TCEA3: variants seen among roughly 807,000 people sequenced by gnomAD.
TCEA3 encodes the protein transcription elongation factor A protein 3.
In TCEA3, 36 loss-of-function variants were observed where a neutral mutation model predicts 44.0. The observed-to-expected ratio is 0.82, with a 90% CI of 0.63 to 1.08. The LOEUF is 1.08. TCEA3 is among the 50% of genes least tolerant of loss of function. TCEA3 has a pLI of 0.00. For synonymous variants in TCEA3, 162 were observed against 159.7 expected (o/e 1.01, Z -0.11); for missense variants, 392 against 441.2 (o/e 0.89, Z 1.00).
intron 5 of TCEA3, chr1:23,404,234 A>G (rs1639479519): frequency 5.7e-6 from 4 of 700,730 alleles, no homozygotes; most frequent in South Asian, 1.5e-5. Flanking sequence ...CCCTGTCAAC[A>G]TGGTATCCTC....
chr1:23,385,387 A>G (rs550320812), intron 9 of TCEA3, among the ~76,000 whole-genome samples: 3 of 152,358 alleles, frequency 2.0e-5, no homozygotes, highest in African/African-American at 7.2e-5. Flanking sequence ...ACGAGCAGAG[A>G]GAAAACTTTG....
At chr1:23,388,940 C>T (rs540186457) in intron 8 of TCEA3, among the ~76,000 whole-genome samples, 5 of 152,228 alleles carry the variant, frequency 3.3e-5, no homozygotes, top group East Asian at 3.9e-4. Context: ...ACTTTGGACT[C>T]CCGAAGTGCC....
intron 5 of TCEA3, among the ~76,000 whole-genome samples, chr1:23,401,845 T>C (rs1386201968): frequency 6.6e-6 from 1 of 152,078 alleles, no homozygotes. Flanking sequence ...GGCCCTGTTG[T>C]GAACTGCGCA....
intron 1 of TCEA3, chr1:23,423,754 C>T (rs1348669928): frequency 2.2e-6 from 1 of 455,844 alleles, no homozygotes; most frequent in East Asian, 6.9e-5. Context: ...ACCAGTCGGC[C>T]GCCAGCCCCA....
chr1:23,422,660 C>T (rs1247246463), intron 1 of TCEA3, among the ~76,000 whole-genome samples: 1 of 152,134 alleles, frequency 6.6e-6, no homozygotes, highest in African/African-American at 2.4e-5. Flanking sequence ...CAGGCGCAGA[C>T]GTGGCTGTAA....
intron 7 of TCEA3, among the ~76,000 whole-genome samples, chr1:23,395,994 C>T (rs1485934122): frequency 1.3e-5 from 2 of 152,144 alleles, no homozygotes; most frequent in African/African-American, 4.8e-5. Context: ...TGATAGTTCT[C>T]ATACCTTGTG....
Position 23,384,111 on chromosome 1 carries a change from G to A in TCEA3, c.1038+235C>T, listed in dbSNP as rs1012355850. The A allele has an allele frequency of 7.4e-6, 10 of 1,347,652 alleles. No homozygotes were observed. In the African/African-American group the frequency reaches 1.3e-4, roughly 18 times the overall value. 83.5% of individuals were successfully genotyped at this position (1,347,652 alleles called of 1,614,324 possible). On this transcript the variant is annotated intron_variant, in intron 10 of 10. Transcript: ENST00000450454. ...ACTTGCTCATCCTGTGATAAAATGTGGGCTGCTGCCCCCACCCCAGCTTGG... is the reference window on the plus strand; with the variant it reads ...ACTTGCTCATCCTGTGATAAAATGTAGGCTGCTGCCCCCACCCCAGCTTGG...
At chr1:23,388,356 C>T (rs951571441) in intron 8 of TCEA3, among the ~76,000 whole-genome samples, 3 of 151,916 alleles carry the variant, frequency 2.0e-5, no homozygotes, top group Non-Finnish European at 2.9e-5. Flanking sequence ...TGCCACCACA[C>T]CCAGCTAATT....
intron 5 of TCEA3, among the ~76,000 whole-genome samples, chr1:23,408,031 G>A (rs773970216): frequency 6.6e-6 from 1 of 151,766 alleles, no homozygotes; most frequent in African/African-American, 2.4e-5. Context: ...GCGCGATCTC[G>A]GCTCACTGCA....
intron 4 of TCEA3, among the ~76,000 whole-genome samples, chr1:23,416,257 C>T (rs1362652874): frequency 3.3e-5 from 5 of 152,070 alleles, no homozygotes; most frequent in African/African-American, 4.8e-5. Flanking sequence ...CCGCCCACCT[C>T]GGCCTCCCAA....
chr1:23,416,155 T>C (rs1053524522), intron 4 of TCEA3, among the ~76,000 whole-genome samples: 1 of 151,734 alleles, frequency 6.6e-6, no homozygotes, highest in African/African-American at 2.4e-5. Context: ...TACAGGCATG[T>C]GCCACCACAC....
chr1:23,405,408 A>T (rs1392023928), intron 5 of TCEA3, among the ~76,000 whole-genome samples: 1 of 152,116 alleles, frequency 6.6e-6, no homozygotes, highest in East Asian at 1.9e-4. Context: ...CATCCTGGCC[A>T]ACATGGTAAA....
At chr1:23,411,585 C>T in intron 4 of TCEA3, 1 of 188,192 alleles carries the variant, frequency 5.3e-6, no homozygotes, top group Non-Finnish European at 1.2e-5. Context: ...CATTCATTCA[C>T]CCCAAGAAAA....
At chr1:23,416,349 T>C (rs1453635972) in intron 4 of TCEA3, among the ~76,000 whole-genome samples, 1 of 152,164 alleles carries the variant, frequency 6.6e-6, no homozygotes, top group Non-Finnish European at 1.5e-5. Flanking sequence ...CTTATTTGTT[T>C]AGTTTTTAAA....
intron 5 of TCEA3, among the ~76,000 whole-genome samples, chr1:23,407,661 C>T (rs1280492885): frequency 3.9e-5 from 6 of 152,106 alleles, no homozygotes; most frequent in Non-Finnish European, 1.5e-5. Context: ...CTTCCCTCTC[C>T]TCTTTTGATT....
Position 23,417,980 on chromosome 1 carries a change from C to T in TCEA3, c.162G>A (p.Gly54=), listed in dbSNP as rs778387933. Residue 54 remains glycine (G), a synonymous_variant, in exon 3 of 11, where the codon GGG becomes GGA. Coordinates refer to ENST00000450454, the MANE Select transcript of TCEA3 (RefSeq NM_003196.3). ...QTTRIGVAVN[G]VRKHCSDKEV... ...CCTTGTCTGAGCAGTGCTTGCGGAC[C>T]CCATTAACAGCAACTCCAATCCTGG... 3 of 1,613,914 alleles carry T rather than the reference C, an allele frequency of 1.9e-6. No homozygotes were observed. Among genetic ancestry groups the T allele is most frequent in the African/African-American group, 2.7e-5 (2 of 74,934 alleles).
At chr1:23,420,833 C>T (rs1640041631) in intron 1 of TCEA3, among the ~76,000 whole-genome samples, 1 of 152,194 alleles carries the variant, frequency 6.6e-6, no homozygotes, top group Non-Finnish European at 1.5e-5. Flanking sequence ...AGGCCCTGGA[C>T]ACCCTCCGAC....
At chr1:23,381,693 G>A (rs745632660) in intron 10 of TCEA3, among the ~76,000 whole-genome samples, 3 of 152,216 alleles carry the variant, frequency 2.0e-5, no homozygotes, top group South Asian at 2.1e-4. Flanking sequence ...GGTAATAAAT[G>A]AATGGCAATT....
chr1:23,404,655 G>T (rs1206224264), intron 5 of TCEA3, among the ~76,000 whole-genome samples: 1 of 151,990 alleles, frequency 6.6e-6, no homozygotes, highest in Non-Finnish European at 1.5e-5. Flanking sequence ...ATATGTTGCT[G>T]ATACTGAAAA....
Sources: gnomAD v4.1 joint callset for allele counts (sites outside exome capture counted in the v4.1 genomes callset) on GRCh38, gnomAD v4.1.1 for gene constraint, MANE v1.5 for transcripts, NCBI Gene and HGNC (gene_info 2026-07-23, HGNC 2026-07-21) for gene names.